APBB2: variants seen among roughly 807,000 people sequenced by gnomAD.
The protein encoded by APBB2 is amyloid beta precursor protein binding family B member 2.
APBB2 carries 38 observed loss-of-function variants against 82.5 expected under a neutral mutation model. The observed-to-expected ratio is 0.46, with a 90% CI of 0.36 to 0.60. The LOEUF (loss-of-function observed/expected upper bound fraction) is 0.60, where lower values mean the gene tolerates loss of function less well. APBB2 is among the 20% of genes least tolerant of loss of function. The probability of loss-of-function intolerance (pLI) is 0.00; values close to 1 mark genes in which losing one functional copy is unlikely to be tolerated. For missense variants in APBB2, 772 were observed against 972.3 expected, an observed-to-expected ratio of 0.79 and a Z score of 2.74; for synonymous variants, 341 against 368.2, an observed-to-expected ratio of 0.93 and a Z score of 0.85.
intron 6 of APBB2, among the ~76,000 whole-genome samples, chr4:40,977,132 T>C (rs942306676): frequency 2.6e-5 from 4 of 152,258 alleles, no homozygotes; most frequent in African/African-American, 9.6e-5. Flanking sequence ...CTTCTTCACA[T>C]ACCTCACAGA....
intron 12 of APBB2, among the ~76,000 whole-genome samples, chr4:40,848,717 AC>A (rs1758398530): frequency 8.7e-6 from 1 of 115,118 alleles, no homozygotes; most frequent in Admixed American, 9.6e-5. Context: ...CACCCGCCCC[AC>A]CGCCGCAAAC....
chr4:40,969,575 A>G (rs1314572405), intron 6 of APBB2, among the ~76,000 whole-genome samples: 1 of 152,260 alleles, frequency 6.6e-6, no homozygotes. Flanking sequence ...ATGGAGCCAA[A>G]GTAACATATA....
intron 12 of APBB2, among the ~76,000 whole-genome samples, chr4:40,845,711 C>T (rs1757331057): frequency 6.6e-6 from 1 of 151,344 alleles, no homozygotes; most frequent in Non-Finnish European, 1.5e-5. Context: ...ATGCTGCGCA[C>T]AACTGTCCAC....
intron 4 of APBB2, among the ~76,000 whole-genome samples, chr4:41,048,190 A>C (rs1724138291): frequency 6.6e-6 from 1 of 152,244 alleles, no homozygotes; most frequent in Non-Finnish European, 1.5e-5. Flanking sequence ...AAAAGGCTCC[A>C]ATGAGCATTT....
At chr4:41,081,995 G>A (rs191415984) in intron 3 of APBB2, among the ~76,000 whole-genome samples, 2 of 151,970 alleles carry the variant, frequency 1.3e-5, no homozygotes, top group Admixed American at 6.6e-5. Flanking sequence ...AAAGACTTGT[G>A]ACACAGTTAC....
chr4:41,108,316 C>G (rs1044467682), intron 2 of APBB2, among the ~76,000 whole-genome samples: 8 of 151,882 alleles, frequency 5.3e-5, no homozygotes, highest in Non-Finnish European at 1.2e-4. Flanking sequence ...AAGAAACTGA[C>G]GCACATAGGA....
intron 1 of APBB2, among the ~76,000 whole-genome samples, chr4:41,188,940 A>T (rs1773679981): frequency 6.6e-6 from 1 of 152,196 alleles, no homozygotes; most frequent in African/African-American, 2.4e-5. Context: ...TGGTGGCAAC[A>T]TACATGGCTG....
chr4:41,027,360 G>A (rs898624420), intron 5 of APBB2, among the ~76,000 whole-genome samples: 24 of 72,920 alleles, frequency 3.3e-4, no homozygotes, highest in African/African-American at 1.1e-3. Context: ...TAAACATATT[G>A]TTACATATAT....
intron 1 of APBB2, among the ~76,000 whole-genome samples, chr4:41,160,031 A>AGAAGAAGAAGAAGAAGAAGAG (rs1560914676): frequency 6.8e-6 from 1 of 147,342 alleles, no homozygotes; most frequent in East Asian, 2.0e-4. Flanking sequence ...AAGAAGAAGA[A>AGAAGAAGAAGAAGAAGAAGAG]GAAGAAAACA....
chr4:41,068,075 A>G (rs1211047856), intron 3 of APBB2, among the ~76,000 whole-genome samples: 1 of 152,190 alleles, frequency 6.6e-6, no homozygotes, highest in Admixed American at 6.5e-5. Context: ...TTAGAAGGAA[A>G]GTACAGTAGC....
chr4:40,840,123 C>T (rs1055809611), intron 12 of APBB2, among the ~76,000 whole-genome samples: 6 of 152,218 alleles, frequency 3.9e-5, no homozygotes, highest in Non-Finnish European at 8.8e-5. Context: ...CAGCAGCAAA[C>T]GGATTGGATC....
At chr4:41,033,716 TAA>T (rs551499148) in intron 4 of APBB2, among the ~76,000 whole-genome samples, 236 of 150,692 alleles carry the variant, frequency 1.6e-3, no homozygotes, top group African/African-American at 5.4e-3. Context: ...ATAAACACGA[TAA>T]AAGCAAAAAA....
chr4:41,181,390 T>C lies in APBB2; in HGVS notation c.-417+33015A>G, dbSNP rs574737684. On this transcript the variant is annotated intron_variant, in intron 1 of 17. Coordinates refer to ENST00000508593, the MANE Select transcript of APBB2 (RefSeq NM_004307.2). ...ATTATACTTTGCTTATAACTCTTGATTTTAAGACACGTGAAAGAAGAAATT... is the reference window on the plus strand; with the variant it reads ...ATTATACTTTGCTTATAACTCTTGACTTTAAGACACGTGAAAGAAGAAATT... Among the ~76,000 whole-genome samples, 3 of 152,362 alleles carry C rather than the reference T, an allele frequency of 2.0e-5. No individual in the cohort carries two copies. The South Asian group carries it at 6.2e-4, about 32-fold the overall frequency.
At chr4:41,090,819 A>G (rs903974963) in intron 3 of APBB2, among the ~76,000 whole-genome samples, 4 of 152,192 alleles carry the variant, frequency 2.6e-5, no homozygotes, top group African/African-American at 9.7e-5. Flanking sequence ...AAAGTCTCAA[A>G]AAATGAAATA....
chr4:41,173,558 C>T (rs1224667526), intron 1 of APBB2, among the ~76,000 whole-genome samples: 2 of 152,178 alleles, frequency 1.3e-5, no homozygotes. Context: ...GTGCACATAA[C>T]AACACTTCAG....
chr4:40,956,129 T>C (rs748729282), intron 6 of APBB2, among the ~76,000 whole-genome samples: 3 of 152,168 alleles, frequency 2.0e-5, no homozygotes, highest in Admixed American at 2.0e-4. Flanking sequence ...CTCTCTTTTT[T>C]TCTCTCTCAC....
chr4:40,862,601 C>T (rs1763015829), intron 12 of APBB2, among the ~76,000 whole-genome samples: 1 of 152,210 alleles, frequency 6.6e-6, no homozygotes, highest in Admixed American at 6.5e-5. Flanking sequence ...CGGCTCACGC[C>T]TGTAATCCCA....
At chr4:41,030,532 T>C (rs913622596) in intron 5 of APBB2, among the ~76,000 whole-genome samples, 1 of 152,194 alleles carries the variant, frequency 6.6e-6, no homozygotes, top group African/African-American at 2.4e-5. Flanking sequence ...CCCAAGTAGC[T>C]GGAGCTACAG....
At chr4:40,831,003 G>A (rs1289762292) in intron 12 of APBB2, among the ~76,000 whole-genome samples, 10 of 152,244 alleles carry the variant, frequency 6.6e-5, no homozygotes, top group Non-Finnish European at 1.5e-5. Context: ...GGAGGGTGAG[G>A]TGGGAGAACT....
Sources: gnomAD v4.1 joint callset for allele counts (sites outside exome capture counted in the v4.1 genomes callset) on GRCh38, gnomAD v4.1.1 for gene constraint, MANE v1.5 for transcripts, NCBI Gene and HGNC (gene_info 2026-07-23, HGNC 2026-07-21) for gene names.